Variants in LAMA5 observed in about 807,000 individuals in gnomAD.
LAMA5 encodes laminin subunit alpha-5.
Under a neutral mutation model 433.4 loss-of-function variants are expected in LAMA5, and 260 were observed. The ratio of observed to expected loss-of-function variants is 0.60; its 90% confidence interval spans 0.54 to 0.66. The LOEUF (loss-of-function observed/expected upper bound fraction) is 0.66. Ranked by LOEUF, LAMA5 falls within the 30% of genes least tolerant of loss-of-function variation. The pLI is 0.00. For missense variants in LAMA5, 5,378 were observed against 5,258.5 expected (o/e 1.02, Z -0.70); for synonymous variants, 2,620 against 2,226.6 (o/e 1.18, Z -4.97).
rs1987110130 is a variant in LAMA5 at position 62,317,721 on chromosome 20, C to T, written c.7297G>A (p.Ala2433Thr). ...AAGACGCTGGCCAGGGTGTCCCTAG[C>T]CGCATGCAGAGTGGCCTGCAGGGTG... ...NATLQATLHA[A>T]RDTLASVFRL... The change falls in exon 54 of 80, where the codon GCT becomes ACT. Residue 2433 changes from alanine (A) to threonine (T), a missense_variant. Coordinates refer to ENST00000252999, the MANE Select transcript of LAMA5 (RefSeq NM_005560.6). The T allele has an allele frequency of 6.2e-7, 1 of 1,606,976 alleles. No individual in the cohort carries two copies. The highest frequency in any genetic ancestry group is 8.5e-7 in the Non-Finnish European group (1 of 1,177,608).
Position 62,346,497 on chromosome 20 carries a change from C to T in LAMA5, c.1282+9G>A, listed in dbSNP as rs900659112. 12 of 1,549,828 alleles carry T rather than the reference C, an allele frequency of 7.7e-6. No individual in the cohort carries two copies. In the African/African-American group the frequency reaches 1.4e-4, roughly 18 times the overall value. ...GACCCAGGACACCCGCCCAGCTGAG[C>T]CCACTCACGGCGGCAGACGTGGGGC... is the stretch of plus-strand genomic sequence containing the variant. On this transcript the variant is annotated intron_variant, in intron 9 of 79. Coordinates refer to ENST00000252999, the MANE Select transcript of LAMA5 (RefSeq NM_005560.6).
chr20:62,336,546 G>GCCCT, intron 17 of LAMA5, 101 bp from the exon 18 acceptor site: 6 of 1,183,438 alleles, frequency 5.1e-6, no homozygotes, highest in Non-Finnish European at 7.3e-6. Flanking sequence ...AGGGCTGAGG[G>GCCCT]CCCTCACCTG....
At position 62,352,047 on chromosome 20, in the gene LAMA5, G is replaced by A. The variant is rs748492478; in HGVS notation, c.720C>T (p.Gly240=). The A allele has an allele frequency of 2.6e-5, 42 of 1,612,230 alleles. No individual in the cohort carries two copies. Among genetic ancestry groups the A allele is most frequent in the East Asian group, 1.1e-4 (5 of 44,878 alleles). Residue 240 remains glycine (G), a synonymous_variant, in exon 5 of 80, where the codon GGC becomes GGT. Transcript: ENST00000252999. ...GCGGCGAGTAGGAGAAATTCATGGCGCCCGGACGTCCGTTCACCAGGGACA... is the reference window on the plus strand; with the variant it reads ...GCGGCGAGTAGGAGAAATTCATGGCACCCGGACGTCCGTTCACCAGGGACA... ...IVVSLVNGRP[G]AMNFSYSPLL...
chr20:62,344,965 A>G (rs1983128202), intron 11 of LAMA5, among the ~76,000 whole-genome samples: 1 of 152,186 alleles, frequency 6.6e-6, no homozygotes, highest in Admixed American at 6.5e-5. Flanking sequence ...GTGCTTGTGT[A>G]CAGAGAGCAT....
At position 62,320,894 on chromosome 20, in the gene LAMA5, C is replaced by T. The variant is rs780393760; in HGVS notation, c.6497-4G>A. On this transcript the variant is annotated splice_region_variant and splice_polypyrimidine_tract_variant and intron_variant, in intron 48 of 79. Transcript: ENST00000252999. ...AGGACCACACAGTGGTCACACACTG[C>T]AGGCGATGTGGGGTCACAGGTCAGT... The T allele has an allele frequency of 1.9e-6, 3 of 1,603,558 alleles. No individual in the cohort carries two copies. The South Asian group carries it at 3.3e-5, about 18-fold the overall frequency.
rs375524294 is a variant in LAMA5, at chr20:62,334,205, G to A, written c.2720C>T (p.Ala907Val). 5.9e-5 allele frequency: 95 copies of A among 1,612,890 alleles called. No individual in the cohort carries two copies. In the Middle Eastern group the frequency reaches 6.6e-4, roughly 11 times the overall value. Residue 907 changes from alanine to valine, a missense_variant, in exon 22 of 80, where the codon GCG (alanine) becomes GTG (valine). Coordinates refer to ENST00000252999, the MANE Select transcript of LAMA5 (RefSeq NM_005560.6). ...GCCCACCTGGACAGGTGCCATCTGC[G>A]CGTAGCCCCTCCAGCTGAAGTTCTC... is the stretch of plus-strand genomic sequence containing the variant. ...EFENFSWRGY[A>V]QMAPVQPRIV...
At position 62,313,259 on chromosome 20, in the gene LAMA5, C is replaced by T. The variant is rs192637471; in HGVS notation, c.8793-9G>A. 9.3e-3 allele frequency: 10,662 copies of T among 1,140,974 alleles called. 56 individuals are homozygous for T. The highest frequency in any genetic ancestry group is 0.013 in the Middle Eastern group (50 of 3,894). 70.7% of individuals were successfully genotyped at this position (1,140,974 alleles called of 1,614,324 possible). Reference sequence around the variant, plus strand: ...CCCCGGTCGACTTGGAGCTGCAGGTCGGAGATTCTGGGGTCAGCGGAGGGT... The same window carrying T: ...CCCCGGTCGACTTGGAGCTGCAGGTTGGAGATTCTGGGGTCAGCGGAGGGT... On this transcript the variant is annotated splice_polypyrimidine_tract_variant and intron_variant, in intron 64 of 79. Coordinates refer to ENST00000252999, the MANE Select transcript of LAMA5 (RefSeq NM_005560.6).
chr20:62,318,686 A>G, intron 52 of LAMA5, 36 bp from the exon 53 acceptor site: 2 of 1,600,022 alleles, frequency 1.2e-6, no homozygotes, highest in African/African-American at 1.3e-5. Context: ...TCACTCTGGA[A>G]GCCAGGCCCC....
At chr20:62,323,042 C>T (rs977518248) in intron 45 of LAMA5, among the ~76,000 whole-genome samples, 8 of 121,368 alleles carry the variant, frequency 6.6e-5, no homozygotes, top group African/African-American at 2.6e-4. Context: ...TGAGGGGGGA[C>T]TGATTGTGGG....
intron 4 of LAMA5, 28 bp downstream of exon 4, chr20:62,352,214 C>T (rs773350890): frequency 1.1e-5 from 17 of 1,572,412 alleles, no homozygotes; most frequent in African/African-American, 2.7e-5. Flanking sequence ...CTCCAGCCCC[C>T]GTACCGCCCT....
In LAMA5 at chr20:62,309,310, G is replaced by A; in HGVS notation, c.*26C>T. 15 of 1,588,826 alleles carry A rather than the reference G, an allele frequency of 9.4e-6. No individual in the cohort carries two copies. The highest frequency in any genetic ancestry group is 1.2e-5 in the Non-Finnish European group (14 of 1,175,698). On this transcript the variant is annotated 3_prime_UTR_variant, in exon 80 of 80. Transcript: ENST00000252999. ...CGGTGTGAGGCAGCTGCAGGGGCCTGACCAGGGGCCGGGGTTGGCTGTGTC... is the reference window on the plus strand; with the variant it reads ...CGGTGTGAGGCAGCTGCAGGGGCCTAACCAGGGGCCGGGGTTGGCTGTGTC...
At chr20:62,348,866 T>C (rs973691759) in intron 6 of LAMA5, among the ~76,000 whole-genome samples, 1 of 151,968 alleles carries the variant, frequency 6.6e-6, no homozygotes, top group Admixed American at 6.6e-5. Context: ...ATAGAAATTA[T>C]GAGAAGGAAA....
intron 24 of LAMA5, 41 bp from the exon 25 acceptor site, chr20:62,333,522 C>T: frequency 1.3e-6 from 2 of 1,583,900 alleles, no homozygotes; most frequent in Non-Finnish European, 1.7e-6. Context: ...GGGCCCCACC[C>T]CCTGACCCGG....
intron 79 of LAMA5, 70 bp downstream of exon 79, chr20:62,309,646 A>AGGGGGGGGGGGGGGGGG (rs1267405426): frequency 2.2e-5 from 6 of 272,292 alleles, no homozygotes; most frequent in Admixed American, 1.5e-4. Flanking sequence ...GGGTGGGGGG[A>AGGGGGGGGGGGGGGGGG]GGGTGGTAGG....
intron 62 of LAMA5, 61 bp downstream of exon 62, chr20:62,314,243 A>C (rs1006335981): frequency 2.6e-6 from 4 of 1,566,346 alleles, no homozygotes; most frequent in Non-Finnish European, 3.5e-6. Flanking sequence ...GAGGGGAGAG[A>C]TGGCGAACGG....
At chr20:62,321,948 G>A in intron 48 of LAMA5, 71 bp downstream of exon 48, 1 of 1,465,026 alleles carries the variant, frequency 6.8e-7, no homozygotes, top group Non-Finnish European at 9.4e-7. Context: ...TTAACACTGG[G>A]GTCACCAGGC....
Position 62,315,066 on chromosome 20 carries a change from T to C in LAMA5, c.8009A>G (p.Gln2670Arg). Residue 2670 changes from glutamine to arginine, a missense_variant, in exon 59 of 80, where the codon CAG becomes CGG. Coordinates refer to ENST00000252999, the MANE Select transcript of LAMA5 (RefSeq NM_005560.6). The part of the protein sequence containing the change: ...WQGQYEGLRG[Q>R]DLGQAVLDAG... ...GTCAAGCACTGCCTGGCCCAGGTCC[T>C]GGCCCCGCAGGCCCTCGTACTGGCC... 6.2e-7 allele frequency: 1 copy of C among 1,600,870 alleles called. No individual in the cohort carries two copies.
chr20:62,330,576 G>T lies in LAMA5; in HGVS notation c.3891C>A (p.Gly1297=). Residue 1297 remains glycine, a synonymous_variant, in exon 31 of 80, where the codon GGC becomes GGA. Coordinates refer to ENST00000252999, the MANE Select transcript of LAMA5 (RefSeq NM_005560.6). ...AGCCGTGCAGCAGGAAGGCATAGCGGCCCAGCGTGGGCACATGGGTGGTGA... is the reference window on the plus strand; with the variant it reads ...AGCCGTGCAGCAGGAAGGCATAGCGTCCCAGCGTGGGCACATGGGTGGTGA... ...VVFTTHVPTL[G]RYAFLLHGYQ... 1 of 1,592,940 alleles carries T rather than the reference G, an allele frequency of 6.3e-7. No individual in the cohort carries two copies. Among genetic ancestry groups the T allele is most frequent in the Non-Finnish European group, 8.5e-7 (1 of 1,171,516 alleles).
At chr20:62,350,469 GC>G (rs535174924) in intron 6 of LAMA5, among the ~76,000 whole-genome samples, 36 of 152,288 alleles carry the variant, frequency 2.4e-4, no homozygotes, top group African/African-American at 7.9e-4. Context: ...CTCGGCACTG[GC>G]CGTGAGAATG....
Sources: allele counts gnomAD v4.1 joint callset (sites outside exome capture counted in the v4.1 genomes callset), GRCh38; gene constraint gnomAD v4.1.1; transcripts MANE v1.5; gene names NCBI Gene and HGNC (gene_info 2026-07-23, HGNC 2026-07-21).